Variants in MNAT1 observed in about 807,000 individuals in gnomAD.
MNAT1 encodes MNAT1 component of CDK activating kinase, also known as CDK-activating kinase assembly factor MAT1.
Under a neutral mutation model 42.0 loss-of-function variants are expected in MNAT1, and 43 were observed. The observed-to-expected ratio is 1.02, with a 90% CI of 0.80 to 1.32. MNAT1 has a LOEUF of 1.32. MNAT1 is among the 40% of genes most tolerant of loss of function. MNAT1 has a pLI of 0.00. For synonymous variants in MNAT1, 118 were observed against 120.0 expected (o/e 0.98, Z 0.11); for missense variants, 306 against 350.4 (o/e 0.87, Z 1.01).
chr14:60,745,722 G>A (rs918881267), intron 1 of MNAT1, among the ~76,000 whole-genome samples: 2 of 152,110 alleles, frequency 1.3e-5, no homozygotes, highest in Admixed American at 1.3e-4. Context: ...GAGCTGTTGC[G>A]CCCGGCCCCT....
intron 1 of MNAT1, among the ~76,000 whole-genome samples, chr14:60,761,541 C>T (rs2030600664): frequency 6.6e-6 from 1 of 152,146 alleles, no homozygotes; most frequent in South Asian, 2.1e-4. Context: ...AAGGTAGTAG[C>T]TTAAACTATG....
At chr14:60,757,258 C>G (rs1336508340) in intron 1 of MNAT1, among the ~76,000 whole-genome samples, 2 of 152,088 alleles carry the variant, frequency 1.3e-5, no homozygotes, top group East Asian at 3.9e-4. Context: ...CAGTTTCTTA[C>G]TCTTATTTAC....
intron 6 of MNAT1, among the ~76,000 whole-genome samples, chr14:60,830,938 A>G (rs896425324): frequency 6.6e-6 from 1 of 151,916 alleles, no homozygotes; most frequent in African/African-American, 2.4e-5. Flanking sequence ...AACATACTCA[A>G]CTGAATGGAT....
chr14:60,916,313 T>A (rs1037408766), intron 7 of MNAT1, among the ~76,000 whole-genome samples: 4 of 152,334 alleles, frequency 2.6e-5, no homozygotes, highest in Non-Finnish European at 4.4e-5. Flanking sequence ...TATACATTTT[T>A]AAAAATAGAA....
At chr14:60,914,046 C>T (rs914597396) in intron 7 of MNAT1, among the ~76,000 whole-genome samples, 4 of 152,226 alleles carry the variant, frequency 2.6e-5, no homozygotes, top group African/African-American at 7.2e-5. Context: ...CCCCCAGCCT[C>T]GCTGCCGCCT....
chr14:60,939,497 G>C (rs545150399), intron 7 of MNAT1, among the ~76,000 whole-genome samples: 3 of 152,186 alleles, frequency 2.0e-5, no homozygotes, highest in African/African-American at 7.2e-5. Flanking sequence ...GTACCCAGTA[G>C]TCATTCAGGA....
intron 7 of MNAT1, among the ~76,000 whole-genome samples, chr14:60,930,630 T>A (rs2035865614): frequency 6.6e-6 from 1 of 152,172 alleles, no homozygotes; most frequent in African/African-American, 2.4e-5. Flanking sequence ...ATATGGACAT[T>A]CAACTTCATT....
At chr14:60,869,042 T>TA (rs1336981892) in intron 6 of MNAT1, among the ~76,000 whole-genome samples, 362 of 79,068 alleles carry the variant, frequency 4.6e-3, no homozygotes, top group East Asian at 7.7e-3. Context: ...ATATATATAT[T>TA]TTTTTTTTTT....
At chr14:60,807,876 A>T (rs946749280) in intron 3 of MNAT1, among the ~76,000 whole-genome samples, 1 of 152,124 alleles carries the variant, frequency 6.6e-6, no homozygotes, top group South Asian at 2.1e-4. Flanking sequence ...GTTGGAGACA[A>T]TTGGAATGGG....
intron 1 of MNAT1, among the ~76,000 whole-genome samples, chr14:60,758,778 T>C (rs2030473236): frequency 6.6e-6 from 1 of 152,130 alleles, no homozygotes; most frequent in Admixed American, 6.5e-5. Flanking sequence ...TGTCTGGAGG[T>C]GCAACTAGAA....
chr14:60,751,001 A>G (rs1346046628), intron 1 of MNAT1, among the ~76,000 whole-genome samples: 1 of 152,174 alleles, frequency 6.6e-6, no homozygotes, highest in Non-Finnish European at 1.5e-5. Flanking sequence ...TGTTTTATTA[A>G]AAGGATTGAT....
At chr14:60,764,663 AT>A (rs1462989623) in intron 1 of MNAT1, among the ~76,000 whole-genome samples, 1 of 152,200 alleles carries the variant, frequency 6.6e-6, no homozygotes, top group Non-Finnish European at 1.5e-5. Flanking sequence ...CACATTCTGG[AT>A]TTTGATGCCC....
chr14:60,960,356 C>G (rs769377407), intron 7 of MNAT1, among the ~76,000 whole-genome samples: 1 of 152,244 alleles, frequency 6.6e-6, no homozygotes, highest in Non-Finnish European at 1.5e-5. Context: ...TTGTAGTTCT[C>G]TAGGCCTCTG....
chr14:60,772,758 T>A, intron 1 of MNAT1, among the ~76,000 whole-genome samples: 1 of 151,986 alleles, frequency 6.6e-6, no homozygotes, highest in East Asian at 1.9e-4. Context: ...AAAGCTAGTC[T>A]GAGATTTCTT....
chr14:60,881,896 A>G (rs938120600), intron 7 of MNAT1, among the ~76,000 whole-genome samples: 5 of 152,184 alleles, frequency 3.3e-5, no homozygotes, highest in African/African-American at 1.2e-4. Flanking sequence ...GCAGTGGCTC[A>G]TGCCTGTAAT....
intron 1 of MNAT1, among the ~76,000 whole-genome samples, chr14:60,789,950 CT>C (rs146467542): frequency 1.1e-4 from 17 of 151,260 alleles, no homozygotes; most frequent in African/African-American, 2.4e-4. Context: ...CTTTTTCTTT[CT>C]TTTTTTTTCT....
At chr14:60,821,098 A>C (rs900996097) in intron 6 of MNAT1, among the ~76,000 whole-genome samples, 1 of 152,122 alleles carries the variant, frequency 6.6e-6, no homozygotes, top group Non-Finnish European at 1.5e-5. Flanking sequence ...CCGTTTGACT[A>C]TTCTATCTAA....
At chr14:60,860,131 C>G (rs1330735480) in intron 6 of MNAT1, among the ~76,000 whole-genome samples, 1 of 152,052 alleles carries the variant, frequency 6.6e-6, no homozygotes, top group African/African-American at 2.4e-5. Context: ...GCCTTGAGTT[C>G]TAACTTTCAG....
chr14:60,830,074 G>T (rs1352428539), intron 6 of MNAT1, among the ~76,000 whole-genome samples: 2 of 152,180 alleles, frequency 1.3e-5, no homozygotes, highest in Non-Finnish European at 2.9e-5. Flanking sequence ...ATCCTGTAGG[G>T]TTGATAGTGG....
Sources: gnomAD v4.1 joint callset for allele counts (sites outside exome capture counted in the v4.1 genomes callset) on GRCh38, gnomAD v4.1.1 for gene constraint, MANE v1.5 for transcripts, NCBI Gene and HGNC (gene_info 2026-07-23, HGNC 2026-07-21) for gene names.